The following UVRAG variants were observed in gnomAD, a reference collection of about 807,000 sequenced individuals.
UVRAG encodes UV radiation resistance associated, also known as UV radiation resistance-associated gene protein.
A neutral mutation model predicts 78.0 loss-of-function variants in UVRAG; 19 were observed. The observed-to-expected ratio is 0.24, with a 90% CI of 0.17 to 0.36. The LOEUF is 0.36. Ranked by LOEUF, UVRAG falls within the 10% of genes least tolerant of loss-of-function variation. UVRAG has a pLI of 1.00. For missense variants in UVRAG, 740 were observed against 853.8 expected (o/e 0.87, Z 1.66); for synonymous variants, 323 against 324.6 (o/e 1.00, Z 0.05).
chr11:75,888,972 A>T, intron 5 of UVRAG, 69 bp downstream of exon 5: 2 of 1,286,364 alleles, frequency 1.6e-6, no homozygotes, highest in Non-Finnish European at 2.2e-6. Flanking sequence ...TACAGGGTAG[A>T]TATAATCCTG....
At chr11:75,878,920 AGAGG>A (rs1946877899) in intron 3 of UVRAG, among the ~76,000 whole-genome samples, 2 of 84,554 alleles carry the variant, frequency 2.4e-5, no homozygotes, top group Non-Finnish European at 6.0e-5. Flanking sequence ...AGGGGGAGGG[AGAGG>A]GAGAGGGAGA....
chr11:76,081,938 C>CAAAAAAAAAA (rs775703377), intron 13 of UVRAG, among the ~76,000 whole-genome samples: 2 of 69,686 alleles, frequency 2.9e-5, no homozygotes, highest in Admixed American at 1.5e-4. Context: ...AGAACCAAAG[C>CAAAAAAAAAA]AAAAAAAAAA....
In UVRAG at chr11:75,848,995, A is replaced by G. The variant is rs767270433; in HGVS notation, c.118-2888A>G. ...GGAGTTCGAGACCAGCCTGGCCAACATGGTGAAACCCTGTCTTTACTAAAA... is the reference window on the plus strand; with the variant it reads ...GGAGTTCGAGACCAGCCTGGCCAACGTGGTGAAACCCTGTCTTTACTAAAA... On this transcript the variant is annotated intron_variant, in intron 1 of 14. Coordinates refer to ENST00000356136, the MANE Select transcript of UVRAG (RefSeq NM_003369.4). Among the ~76,000 whole-genome samples the G allele has an allele frequency of 1.2e-3, 188 of 152,266 alleles. 2 individuals are homozygous for G. Among genetic ancestry groups the G allele is most frequent in the Non-Finnish European group, 1.4e-3 (96 of 68,020 alleles).
chr11:76,077,248 G>GT, intron 13 of UVRAG, among the ~76,000 whole-genome samples: 1 of 151,154 alleles, frequency 6.6e-6, no homozygotes, highest in African/African-American at 2.4e-5. Context: ...TTTATACATA[G>GT]TTTTTTCCAA....
intron 12 of UVRAG, among the ~76,000 whole-genome samples, chr11:76,040,430 A>T (rs879146193): frequency 6.6e-6 from 1 of 150,478 alleles, no homozygotes; most frequent in Non-Finnish European, 1.5e-5. Context: ...CCGAGATCAC[A>T]CCACTGCACT....
At chr11:75,991,180 C>T (rs1396061599) in intron 8 of UVRAG, among the ~76,000 whole-genome samples, 1 of 152,120 alleles carries the variant, frequency 6.6e-6, no homozygotes, top group Non-Finnish European at 1.5e-5. Context: ...GTTAGAATGG[C>T]CCCAAATAAA....
intron 8 of UVRAG, 142 bp from the exon 9 acceptor site, chr11:76,003,863 C>T (rs1335193113): frequency 2.9e-6 from 2 of 684,290 alleles, no homozygotes; most frequent in Non-Finnish European, 5.0e-6. Flanking sequence ...AGCTACTCTC[C>T]CCAAAAAATC....
intron 6 of UVRAG, among the ~76,000 whole-genome samples, chr11:75,935,670 A>G (rs773100000): frequency 2.0e-5 from 3 of 152,204 alleles, no homozygotes; most frequent in Non-Finnish European, 4.4e-5. Context: ...AATATTTCCA[A>G]ACTTGAAGAA....
intron 1 of UVRAG, among the ~76,000 whole-genome samples, chr11:75,849,812 T>A (rs1281815296): frequency 6.6e-6 from 1 of 152,256 alleles, no homozygotes; most frequent in Non-Finnish European, 1.5e-5. Flanking sequence ...GGGTCTTGAC[T>A]GAAAGTTCTC....
At chr11:75,998,204 A>G (rs1199451094) in intron 8 of UVRAG, among the ~76,000 whole-genome samples, 1 of 152,196 alleles carries the variant, frequency 6.6e-6, no homozygotes, top group Non-Finnish European at 1.5e-5. Flanking sequence ...TACTAATGGC[A>G]CTAAGGGGTG....
intron 5 of UVRAG, among the ~76,000 whole-genome samples, chr11:75,892,782 C>T (rs765230979): frequency 1.1e-4 from 16 of 152,074 alleles, no homozygotes; most frequent in East Asian, 3.9e-4. Context: ...TTAACAAAGC[C>T]GCAAGCAGAG....
intron 6 of UVRAG, among the ~76,000 whole-genome samples, chr11:75,936,257 C>T (rs1007080625): frequency 2.6e-5 from 4 of 152,190 alleles, no homozygotes; most frequent in African/African-American, 9.7e-5. Context: ...TTAGACTTTG[C>T]AATCAGTAAG....
At position 76,084,019 on chromosome 11, in the gene UVRAG, G is replaced by A. The variant is rs561217037; in HGVS notation, c.1305+18231G>A. 8.5e-5 allele frequency among the ~76,000 whole-genome samples: 13 copies of A among 152,282 alleles called. No homozygotes were observed. The East Asian group carries it at 1.2e-3, about 14-fold the overall frequency. On this transcript the variant is annotated intron_variant, in intron 13 of 14. Coordinates refer to ENST00000356136, the MANE Select transcript of UVRAG (RefSeq NM_003369.4). ...GGTTAGTGCTGCCTTAGGACTGACC[G>A]CACTGTCTTTTGAGTTGACCTGTAA... is the stretch of plus-strand genomic sequence containing the variant.
At chr11:75,852,134 C>A in intron 2 of UVRAG, 134 bp downstream of exon 2, 1 of 597,190 alleles carries the variant, frequency 1.7e-6, no homozygotes. Flanking sequence ...GAAAATATCT[C>A]ATGAGCAGTT....
At chr11:75,849,366 T>A (rs1384874774) in intron 1 of UVRAG, among the ~76,000 whole-genome samples, 2 of 151,142 alleles carry the variant, frequency 1.3e-5, no homozygotes, top group Non-Finnish European at 2.9e-5. Context: ...ATTAGCCGGG[T>A]GCCTGTAGTC....
chr11:75,876,164 A>G (rs956030594), intron 3 of UVRAG, among the ~76,000 whole-genome samples: 6 of 152,116 alleles, frequency 3.9e-5, no homozygotes, highest in Non-Finnish European at 8.8e-5. Context: ...AATGGTGATT[A>G]TTATTATTAT....
chr11:75,920,007 G>GGTTTTTTT (rs1947940515), intron 6 of UVRAG, among the ~76,000 whole-genome samples: 1 of 72,730 alleles, frequency 1.4e-5, no homozygotes, highest in East Asian at 4.8e-4. Context: ...AAATAATTTT[G>GGTTTTTTT]GTTTTTTTTT....
At chr11:75,992,159 A>G (rs1350444452) in intron 8 of UVRAG, among the ~76,000 whole-genome samples, 22 of 152,312 alleles carry the variant, frequency 1.4e-4, no homozygotes, top group Admixed American at 1.0e-3. Context: ...AAGTTATGGC[A>G]GAGCCTGTGT....
chr11:76,138,898 T>C (rs1952648154), intron 14 of UVRAG, among the ~76,000 whole-genome samples: 1 of 152,194 alleles, frequency 6.6e-6, no homozygotes. Flanking sequence ...TGTTAGCAAA[T>C]GGTAGAGTAA....
Sources: gnomAD v4.1 joint callset for allele counts (sites outside exome capture counted in the v4.1 genomes callset) on GRCh38, gnomAD v4.1.1 for gene constraint, MANE v1.5 for transcripts, NCBI Gene and HGNC (gene_info 2026-07-23, HGNC 2026-07-21) for gene names.